The following KIF13A variants were observed in gnomAD, a reference collection of about 807,000 sequenced individuals.
KIF13A encodes kinesin family member 13A.
A neutral mutation model predicts 212.2 loss-of-function variants in KIF13A; 79 were observed. The observed-to-expected ratio is 0.37, with a 90% CI of 0.31 to 0.45. KIF13A has a LOEUF of 0.45. Among genes scored for constraint, KIF13A ranks in the 20% least tolerant of loss-of-function variants. KIF13A has a pLI of 1.00. For missense variants in KIF13A, 1,901 were observed against 2,209.0 expected, an observed-to-expected ratio of 0.86 and a Z score of 2.79; for synonymous variants, 789 against 808.6, an observed-to-expected ratio of 0.98 and a Z score of 0.41.
Position 17,975,574 on chromosome 6 carries a change from A to G in KIF13A, c.146+11480T>C, listed in dbSNP as rs1409625847. On this transcript the variant is annotated intron_variant, in intron 2 of 38. Coordinates refer to ENST00000259711, the MANE Select transcript of KIF13A (RefSeq NM_022113.6). ...AAAAAAAGCTTCCAGTACAGAACAAAACGCGAACAAGTTACTGCCGCTAGT... is the reference window on the plus strand; with the variant it reads ...AAAAAAAGCTTCCAGTACAGAACAAGACGCGAACAAGTTACTGCCGCTAGT... Among the ~76,000 whole-genome samples the G allele has an allele frequency of 5.9e-5, 9 of 152,206 alleles. No homozygotes were observed. In the East Asian group the frequency reaches 1.5e-3, roughly 26 times the overall value.
intron 38 of KIF13A, among the ~76,000 whole-genome samples, chr6:17,766,517 C>T (rs1047420585): frequency 1.5e-4 from 23 of 152,138 alleles, no homozygotes; most frequent in African/African-American, 5.1e-4. Context: ...CGATTACAGG[C>T]ATGAGACACC....
chr6:17,960,823 G>T (rs1778755612), intron 2 of KIF13A, among the ~76,000 whole-genome samples: 1 of 152,182 alleles, frequency 6.6e-6, no homozygotes, highest in Admixed American at 6.5e-5. Context: ...AGTGAAATGA[G>T]CTGGGAAGAA....
At chr6:17,949,705 A>C (rs1047633914) in intron 2 of KIF13A, among the ~76,000 whole-genome samples, 1 of 152,106 alleles carries the variant, frequency 6.6e-6, no homozygotes, top group Non-Finnish European at 1.5e-5. Flanking sequence ...ACACACTTTT[A>C]CTTTTAATGT....
In KIF13A at chr6:17,826,839, T is replaced by C. The variant is rs1040302834; in HGVS notation, c.1533-715A>G. Among the ~76,000 whole-genome samples the C allele has an allele frequency of 6.6e-6, 1 of 152,178 alleles. No individual in the cohort carries two copies. The highest frequency in any genetic ancestry group is 2.4e-5 in the African/African-American group (1 of 41,452). On this transcript the variant is annotated intron_variant, in intron 14 of 38. Transcript: ENST00000259711. This position sits in a 1 kb window ranked among gnomAD's most constrained non-coding sequence, Gnocchi z 4.7. ...TTGAAACTATATTTAAGAATCTTCA[T>C]CTTTTAGAGAGACATAGTGAGATAT...
Position 17,947,817 on chromosome 6 carries a change from T to C in KIF13A, c.146+39237A>G, listed in dbSNP as rs939326799. Among the ~76,000 whole-genome samples the C allele has an allele frequency of 6.6e-6, 1 of 151,704 alleles. No individual in the cohort carries two copies. Among genetic ancestry groups the C allele is most frequent in the Non-Finnish European group, 1.5e-5 (1 of 67,954 alleles). On this transcript the variant is annotated intron_variant, in intron 2 of 38. Transcript: ENST00000259711. The surrounding 1 kb of genome is among the most constrained non-coding windows in gnomAD (Gnocchi z 4.6). ...GATTGCGCCATTGCGCTCCAGCCTG[T>C]GTGACAAGAGCAAAACTCTGCTCAA...
At chr6:17,853,478 A>G (rs1581530390) in intron 6 of KIF13A, among the ~76,000 whole-genome samples, 1 of 152,266 alleles carries the variant, frequency 6.6e-6, no homozygotes, top group East Asian at 1.9e-4. Flanking sequence ...TGTGACTTAC[A>G]ATTCCACCCC....
chr6:17,842,744 C>A (rs540203499), intron 9 of KIF13A, among the ~76,000 whole-genome samples: 12 of 150,318 alleles, frequency 8.0e-5, no homozygotes, highest in Non-Finnish European at 1.5e-4. Flanking sequence ...ATCTATCAAT[C>A]ATAATGAAGA....
intron 20 of KIF13A, among the ~76,000 whole-genome samples, chr6:17,802,923 G>GTTTTTTTTTTTTTT (rs57190220): frequency 7.4e-6 from 1 of 135,652 alleles, no homozygotes; most frequent in African/African-American, 2.6e-5. Context: ...ATTTTTTTGT[G>GTTTTTTTTTTTTTT]TTTTTTTTGT....
At chr6:17,905,739 T>C (rs1158814778) in intron 2 of KIF13A, among the ~76,000 whole-genome samples, 1 of 152,162 alleles carries the variant, frequency 6.6e-6, no homozygotes, top group Non-Finnish European at 1.5e-5. Context: ...GGGGGAATCA[T>C]CTGTGCAAAA....
At chr6:17,833,018 A>C (rs1765593730) in intron 12 of KIF13A, among the ~76,000 whole-genome samples, 1 of 47,376 alleles carries the variant, frequency 2.1e-5, no homozygotes, top group Non-Finnish European at 5.1e-5. Flanking sequence ...TGTCTGCAAA[A>C]AAAAAAAAAA....
Position 17,773,569 on chromosome 6 carries a change from G to T in KIF13A, c.4233C>A (p.Asn1411Lys). ...FDEDDKGWPE[N>K]QLDMSDYSSS... ...AGCTATAGTCAGACATGTCCAACTG[G>T]TTCTCTGGCCAACCCTACAAGGTAA... Residue 1411 changes from asparagine (N) to lysine (K), a missense_variant, in exon 36 of 39, where the codon AAC becomes AAA. By Grantham distance (94) the Asn-to-Lys change is moderately conservative (BLOSUM62 0). This residue lies in a region of KIF13A where 687 missense variants were observed against 759.1 expected (regional missense o/e 0.90). Transcript: ENST00000259711. This position sits in a 1 kb window ranked among gnomAD's most constrained non-coding sequence, Gnocchi z 4.2. 1 of 1,605,912 alleles carries T rather than the reference G, an allele frequency of 6.2e-7. No individual in the cohort carries two copies.
In KIF13A at chr6:17,825,307, A is replaced by G. The variant is rs1764868955; in HGVS notation, c.1786+461T>C. The stretch of plus-strand genomic sequence containing the variant: ...TGTAAAAGTGATCTGGGCTTATTAA[A>G]TAAATATCTTTGGGGTAAAATTTCC... On this transcript the variant is annotated intron_variant, in intron 16 of 38. Transcript: ENST00000259711. The surrounding 1 kb of genome is among the most constrained non-coding windows in gnomAD (Gnocchi z 4.5). Among the ~76,000 whole-genome samples, 2 of 152,234 alleles carry G rather than the reference A, an allele frequency of 1.3e-5. No homozygotes were observed. Among genetic ancestry groups the G allele is most frequent in the Admixed American group, 1.3e-4 (2 of 15,286 alleles).
Position 17,825,742 on chromosome 6 carries a change from G to T in KIF13A, c.1786+26C>A. The T allele has an allele frequency of 1.2e-6, 2 of 1,601,440 alleles. No individual in the cohort carries two copies. The highest frequency in any genetic ancestry group is 8.5e-7 in the Non-Finnish European group (1 of 1,173,204). On this transcript the variant is annotated intron_variant, in intron 16 of 38. Coordinates refer to ENST00000259711, the MANE Select transcript of KIF13A (RefSeq NM_022113.6). The surrounding 1 kb of genome is among the most constrained non-coding windows in gnomAD (Gnocchi z 4.5). ...TGTGAGGTGAGGAAATGCCCAAGGC[G>T]CTGGAACACAGAGTGAGGGTCTTAC...
In KIF13A at chr6:17,772,456, A is replaced by C. The variant is rs1412337497; in HGVS notation, c.4325-397T>G. 1.3e-5 allele frequency among the ~76,000 whole-genome samples: 2 copies of C among 152,238 alleles called. No individual in the cohort carries two copies. Among genetic ancestry groups the C allele is most frequent in the South Asian group, 2.1e-4 (1 of 4,820 alleles). On this transcript the variant is annotated intron_variant, in intron 36 of 38. Transcript: ENST00000259711. This position sits in a 1 kb window ranked among gnomAD's most constrained non-coding sequence, Gnocchi z 4.8. ...ACCCCACAAACAACAAACAACAAAC[A>C]AAAAAACCCCCAAAAAACCATGGAA...
At chr6:17,885,912 A>G (rs1771499354) in intron 3 of KIF13A, among the ~76,000 whole-genome samples, 1 of 152,174 alleles carries the variant, frequency 6.6e-6, no homozygotes, top group Non-Finnish European at 1.5e-5. Context: ...ACAAATGCAC[A>G]ATCTGTGGTA....
intron 2 of KIF13A, among the ~76,000 whole-genome samples, chr6:17,973,132 C>A (rs922093277): frequency 3.3e-5 from 5 of 152,092 alleles, no homozygotes; most frequent in Non-Finnish European, 1.5e-5. Context: ...AACACGATGC[C>A]CAAGGAAGTT....
intron 17 of KIF13A, among the ~76,000 whole-genome samples, chr6:17,813,420 C>T (rs1408608365): frequency 6.6e-6 from 1 of 152,078 alleles, no homozygotes; most frequent in Non-Finnish European, 1.5e-5. Context: ...ATGGAGGTTG[C>T]AGTGAGCGGA....
chr6:17,868,411 C>T (rs1308341861), intron 4 of KIF13A, among the ~76,000 whole-genome samples: 1 of 152,138 alleles, frequency 6.6e-6, no homozygotes, highest in East Asian at 1.9e-4. Context: ...TCAAGTTTAT[C>T]AGTATTGACT....
Position 17,968,813 on chromosome 6 carries a change from G to T in KIF13A, c.146+18241C>A, listed in dbSNP as rs1209238145. Reference sequence around the variant, plus strand: ...ATGACAGCACAAAGGCTATCATTATGTAACAATTTAATGCAGAAATTAGAG... The same window carrying T: ...ATGACAGCACAAAGGCTATCATTATTTAACAATTTAATGCAGAAATTAGAG... On this transcript the variant is annotated intron_variant, in intron 2 of 38. Transcript: ENST00000259711. The surrounding 1 kb of genome is among the most constrained non-coding windows in gnomAD (Gnocchi z 4.7). Among the ~76,000 whole-genome samples the T allele has an allele frequency of 1.3e-5, 2 of 152,158 alleles. No individual in the cohort carries two copies. The highest frequency in any genetic ancestry group is 3.8e-4 in the East Asian group (2 of 5,200).
Sources: allele counts gnomAD v4.1 joint callset (sites outside exome capture counted in the v4.1 genomes callset), GRCh38; gene constraint gnomAD v4.1.1; regional missense constraint gnomAD v4.1.1; non-coding constraint Gnocchi (gnomAD v3.1); transcripts MANE v1.5; gene names NCBI Gene and HGNC (gene_info 2026-07-23, HGNC 2026-07-21).